NDFIP2: variants seen among roughly 807,000 people sequenced by gnomAD.
NDFIP2 encodes the protein Nedd4 family interacting protein 2, also known as NEDD4 family-interacting protein 2.
NDFIP2 carries 19 observed loss-of-function variants against 36.0 expected under a neutral mutation model. The observed-to-expected ratio is 0.53, with a 90% CI of 0.37 to 0.77. The LOEUF (loss-of-function observed/expected upper bound fraction) is 0.77, where lower values mean the gene tolerates loss of function less well. Among genes scored for constraint, NDFIP2 ranks in the 30% least tolerant of loss-of-function variants. NDFIP2 has a pLI of 0.00. For synonymous variants in NDFIP2, 181 were observed against 167.7 expected (o/e 1.08, Z -0.61); for missense variants, 446 against 435.8 (o/e 1.02, Z -0.21).
At chr13:79,489,836 A>G (rs1019203342) in intron 1 of NDFIP2, among the ~76,000 whole-genome samples, 8 of 152,204 alleles carry the variant, frequency 5.3e-5, no homozygotes, top group African/African-American at 1.7e-4. Flanking sequence ...TTCATAGAAG[A>G]ATGGAACTGT....
intron 1 of NDFIP2, among the ~76,000 whole-genome samples, chr13:79,496,329 C>G (rs1056726616): frequency 1.3e-5 from 2 of 151,886 alleles, no homozygotes; most frequent in Non-Finnish European, 2.9e-5. Flanking sequence ...GTATAGAACT[C>G]TTGGCTGAGT....
chr13:79,506,024 A>G (rs1873853674), intron 1 of NDFIP2, among the ~76,000 whole-genome samples: 1 of 152,186 alleles, frequency 6.6e-6, no homozygotes, highest in Non-Finnish European at 1.5e-5. Context: ...CTTGTTTATC[A>G]TCATGGAGAA....
At position 79,555,144 on chromosome 13, in the gene NDFIP2, A is replaced by G. The variant is rs1876062630; in HGVS notation, c.*2631A>G. The G allele has an allele frequency of 6.6e-6, 1 of 151,124 alleles. No homozygotes were observed. Among genetic ancestry groups the G allele is most frequent in the Non-Finnish European group, 1.5e-5 (1 of 67,660 alleles). The allele number at this position is 151,124 out of a possible 1,614,324, so 9.4% of individuals were successfully genotyped here. A position where few individuals can be genotyped will look rare whatever the true frequency, so the allele number is the denominator to read the frequency against. ...ACAGATTTTTACCTGCTAAAACAAT[A>G]TTATTTCCAGTAAAACCTCTCCTAA... is the stretch of plus-strand genomic sequence containing the variant. On this transcript the variant is annotated 3_prime_UTR_variant, in exon 8 of 8. Coordinates refer to ENST00000218652, the MANE Select transcript of NDFIP2 (RefSeq NM_019080.3).
chr13:79,532,941 T>C (rs549408489), intron 2 of NDFIP2, among the ~76,000 whole-genome samples: 22 of 152,318 alleles, frequency 1.4e-4, no homozygotes, highest in Non-Finnish European at 2.4e-4. Context: ...TACTTTTTCT[T>C]TTTGCTTTTT....
chr13:79,536,760 A>T (rs918764017), intron 3 of NDFIP2, among the ~76,000 whole-genome samples: 2 of 151,804 alleles, frequency 1.3e-5, no homozygotes, highest in African/African-American at 4.8e-5. Context: ...GCAGTGACTC[A>T]CTCCTGTAAT....
intron 1 of NDFIP2, among the ~76,000 whole-genome samples, chr13:79,501,174 T>G (rs1391208578): frequency 6.6e-6 from 1 of 151,844 alleles, no homozygotes; most frequent in Non-Finnish European, 1.5e-5. Context: ...GAGGGAGGGA[T>G]GAATAGGTGG....
intron 1 of NDFIP2, among the ~76,000 whole-genome samples, chr13:79,510,898 C>G (rs1874058025): frequency 6.6e-6 from 1 of 150,528 alleles, no homozygotes; most frequent in East Asian, 2.0e-4. Context: ...ACTTGGGAGG[C>G]TGAGGCAGGA....
chr13:79,542,214 G>T (rs1309233347), intron 4 of NDFIP2, among the ~76,000 whole-genome samples: 1 of 152,128 alleles, frequency 6.6e-6, no homozygotes, highest in Non-Finnish European at 1.5e-5. Flanking sequence ...TTTCTTCTGA[G>T]GTTTAGCCAT....
chr13:79,490,994 A>G (rs1005038477), intron 1 of NDFIP2, among the ~76,000 whole-genome samples: 2 of 152,160 alleles, frequency 1.3e-5, no homozygotes, highest in African/African-American at 2.4e-5. Context: ...ATTCTTGACT[A>G]CCTTATTTTA....
At chr13:79,512,887 C>T (rs1175369901) in intron 1 of NDFIP2, among the ~76,000 whole-genome samples, 1 of 152,172 alleles carries the variant, frequency 6.6e-6, no homozygotes, top group Non-Finnish European at 1.5e-5. Context: ...TGTAGCTTCT[C>T]TATTTGGGTT....
chr13:79,497,664 T>G (rs1371259385), intron 1 of NDFIP2, among the ~76,000 whole-genome samples: 1 of 148,702 alleles, frequency 6.7e-6, no homozygotes, highest in South Asian at 2.1e-4. Flanking sequence ...TTCTGAGTTT[T>G]TTTTTTTTTT....
chr13:79,521,535 C>T (rs1874582541), intron 2 of NDFIP2, among the ~76,000 whole-genome samples: 4 of 152,060 alleles, frequency 2.6e-5, no homozygotes, highest in Admixed American at 2.6e-4. Flanking sequence ...TTTATATACT[C>T]ATTATGAAAC....
rs978869838 is a variant in NDFIP2, at chr13:79,553,318, A to G, written c.*805A>G. On this transcript the variant is annotated 3_prime_UTR_variant, in exon 8 of 8. Transcript: ENST00000218652. ...CAAATGTCCTTTATAAGAAAAATAA[A>G]TTTTATTTTAAGGGACATACTAGTT... 2.6e-5 allele frequency: 4 copies of G among 151,284 alleles called. No homozygotes were observed. Among genetic ancestry groups the G allele is most frequent in the African/African-American group, 9.7e-5 (4 of 41,380 alleles). 9.4% of individuals were successfully genotyped at this position (151,284 alleles called of 1,614,324 possible). A position where few individuals can be genotyped will look rare whatever the true frequency, so the allele number is the denominator to read the frequency against.
At chr13:79,507,803 C>G (rs1873928318) in intron 1 of NDFIP2, among the ~76,000 whole-genome samples, 1 of 151,444 alleles carries the variant, frequency 6.6e-6, no homozygotes, top group Non-Finnish European at 1.5e-5. Flanking sequence ...ATGTTAACAT[C>G]TTGCTGTATT....
At chr13:79,486,727 G>T (rs57600509) in intron 1 of NDFIP2, among the ~76,000 whole-genome samples, 1,727 of 152,266 alleles carry the variant, frequency 0.011, 34 homozygotes, top group African/African-American at 0.04. Flanking sequence ...CGGTGGTAGG[G>T]TTGAGGACAT....
intron 7 of NDFIP2, 34 bp downstream of exon 7, chr13:79,551,156 C>A: frequency 7.5e-7 from 1 of 1,340,770 alleles, no homozygotes; most frequent in Non-Finnish European, 1.0e-6. Flanking sequence ...TCTGCCTATT[C>A]CCTTTATGTA....
intron 2 of NDFIP2, among the ~76,000 whole-genome samples, chr13:79,532,706 T>G (rs1875063526): frequency 6.6e-6 from 1 of 152,204 alleles, no homozygotes; most frequent in African/African-American, 2.4e-5. Context: ...ATACTGAATT[T>G]GCTTAAGAGA....
chr13:79,537,106 G>T (rs962147678), intron 3 of NDFIP2, among the ~76,000 whole-genome samples: 2 of 151,020 alleles, frequency 1.3e-5, no homozygotes, highest in African/African-American at 4.9e-5. Context: ...TGATTTTTTG[G>T]TGGTGGTTGT....
chr13:79,548,723 T>C (rs1191562757), intron 6 of NDFIP2, among the ~76,000 whole-genome samples: 1 of 152,050 alleles, frequency 6.6e-6, no homozygotes, highest in Non-Finnish European at 1.5e-5. Context: ...CTTAGGAAAT[T>C]TGAGAGTTGG....
Sources: allele counts gnomAD v4.1 joint callset (sites outside exome capture counted in the v4.1 genomes callset), GRCh38; gene constraint gnomAD v4.1.1; transcripts MANE v1.5; gene names NCBI Gene and HGNC (gene_info 2026-07-23, HGNC 2026-07-21).